FBXO11: variants seen among roughly 807,000 people sequenced by gnomAD.
FBXO11 encodes the protein F-box only protein 11.
A neutral mutation model predicts 117.0 loss-of-function variants in FBXO11; 13 were observed. The observed-to-expected ratio is 0.11, with a 90% CI of 0.07 to 0.18. FBXO11 has a LOEUF of 0.18. Among genes scored for constraint, FBXO11 ranks in the 10% least tolerant of loss-of-function variants. The pLI is 1.00. For missense variants in FBXO11, 767 were observed against 1,164.4 expected (o/e 0.66, Z 4.97); for synonymous variants, 490 against 380.5 (o/e 1.29, Z -3.35).
chr2:47,869,772 C>CA (rs751454174), intron 1 of FBXO11, among the ~76,000 whole-genome samples: 13 of 152,164 alleles, frequency 8.5e-5, no homozygotes, highest in Non-Finnish European at 1.3e-4. Context: ...TTTTTTGGGG[C>CA]AAGGGTTAGT....
chr2:47,836,052 A>C, intron 4 of FBXO11, 51 bp from the exon 5 acceptor site: 8 of 1,388,772 alleles, frequency 5.8e-6, no homozygotes, highest in Non-Finnish European at 7.9e-6. Flanking sequence ...CCTTTAGATT[A>C]ATACAGTTTT....
At chr2:47,859,396 T>G (rs1442958660) in intron 1 of FBXO11, among the ~76,000 whole-genome samples, 2 of 152,210 alleles carry the variant, frequency 1.3e-5, no homozygotes, top group Non-Finnish European at 2.9e-5. Context: ...CTGAATTCAA[T>G]TTCAGATGTC....
In FBXO11 at chr2:47,905,295, G is replaced by A. The variant is rs142913271; in HGVS notation, c.232+194C>T. On this transcript the variant is annotated intron_variant, in intron 1 of 22. Transcript: ENST00000403359. ...AGCGAGAGCCCAGGCGAGAAGGGAA[G>A]CCGCGGCTTTTCCTGCCGGCCGGGC... 9.8e-6 allele frequency: 4 copies of A among 408,868 alleles called. No homozygotes were observed. In the East Asian group the frequency reaches 1.9e-4, roughly 20 times the overall value. 25.3% of individuals were successfully genotyped at this position (408,868 alleles called of 1,614,324 possible).
chr2:47,893,811 T>C (rs1677447008), intron 1 of FBXO11, among the ~76,000 whole-genome samples: 1 of 152,222 alleles, frequency 6.6e-6, no homozygotes, highest in African/African-American at 2.4e-5. Flanking sequence ...AATGTCACCC[T>C]GAAGCAGCTC....
At chr2:47,900,565 T>TAC (rs1203897296) in intron 1 of FBXO11, among the ~76,000 whole-genome samples, 2 of 131,668 alleles carry the variant, frequency 1.5e-5, no homozygotes, top group African/African-American at 2.8e-5. Context: ...CACGTATATA[T>TAC]ACACACGTAT....
intron 11 of FBXO11, among the ~76,000 whole-genome samples, chr2:47,827,362 A>G (rs750502233): frequency 9.2e-5 from 14 of 152,242 alleles, no homozygotes; most frequent in Non-Finnish European, 1.9e-4. Flanking sequence ...GCTGGAGCGC[A>G]GTGGCGCACT....
chr2:47,891,527 A>G (rs1050492966), intron 1 of FBXO11, among the ~76,000 whole-genome samples: 1 of 152,244 alleles, frequency 6.6e-6, no homozygotes, highest in Non-Finnish European at 1.5e-5. Context: ...GTCAATGGAC[A>G]TGTTGTGGGC....
intron 1 of FBXO11, among the ~76,000 whole-genome samples, chr2:47,902,493 A>G (rs1295501935): frequency 1.3e-5 from 2 of 152,188 alleles, no homozygotes; most frequent in East Asian, 3.8e-4. Flanking sequence ...AACACTGGCC[A>G]TTACAGATAA....
At chr2:47,867,528 G>A (rs1321252317) in intron 1 of FBXO11, among the ~76,000 whole-genome samples, 2 of 152,182 alleles carry the variant, frequency 1.3e-5, no homozygotes, top group African/African-American at 4.8e-5. Flanking sequence ...TTACTAAGCA[G>A]TATAAATGAT....
intron 4 of FBXO11, among the ~76,000 whole-genome samples, chr2:47,837,244 G>A (rs1024374468): frequency 2.0e-5 from 3 of 152,072 alleles, no homozygotes; most frequent in Admixed American, 1.3e-4. Context: ...TGTAAGGTGT[G>A]GGCCGGGCAC....
chr2:47,831,126 C>T (rs1035892013), intron 11 of FBXO11, among the ~76,000 whole-genome samples: 1 of 151,462 alleles, frequency 6.6e-6, no homozygotes, highest in Non-Finnish European at 1.5e-5. Context: ...AAAAAAAGAG[C>T]TCTGCCTTGG....
intron 13 of FBXO11, 33 bp from the exon 14 acceptor site, chr2:47,820,489 T>C: frequency 6.5e-7 from 1 of 1,528,760 alleles, no homozygotes; most frequent in African/African-American, 1.4e-5. Context: ...AGGTCAACAT[T>C]TGTGAGCCTA....
chr2:47,906,272 G>C lies in FBXO11; in HGVS notation c.-552C>G, dbSNP rs906404689. The stretch of plus-strand genomic sequence containing the variant: ...CACCCCCTGAAAGAGATTTCTGTGA[G>C]GAATTTTTCTCTCTTTCTTCGGTCT... On this transcript the variant is annotated 5_prime_UTR_variant, in exon 1 of 23. Coordinates refer to ENST00000403359, the MANE Select transcript of FBXO11 (RefSeq NM_001190274.2). 1 of 156,826 alleles carries C rather than the reference G, an allele frequency of 6.4e-6. No individual in the cohort carries two copies. Among genetic ancestry groups the C allele is most frequent in the Non-Finnish European group, 1.4e-5 (1 of 70,732 alleles). The allele number at this position is 156,826 out of a possible 1,614,324, so 9.7% of individuals were successfully genotyped here.
At chr2:47,867,421 A>G (rs914612366) in intron 1 of FBXO11, among the ~76,000 whole-genome samples, 1 of 152,218 alleles carries the variant, frequency 6.6e-6, no homozygotes, top group Non-Finnish European at 1.5e-5. Context: ...TGGAAGTGAC[A>G]CACCAACTTC....
chr2:47,888,487 A>T (rs1376956988), intron 1 of FBXO11: 2 of 158,510 alleles, frequency 1.3e-5, no homozygotes, highest in Admixed American at 6.5e-5. Flanking sequence ...TTTAGAATTT[A>T]CCAGATGTTC....
intron 1 of FBXO11, among the ~76,000 whole-genome samples, chr2:47,884,421 A>C (rs1676662252): frequency 6.6e-6 from 1 of 152,148 alleles, no homozygotes; most frequent in South Asian, 2.1e-4. Flanking sequence ...AAGTATATTT[A>C]AACTAATAGC....
chr2:47,861,201 G>C (rs2103746759), intron 1 of FBXO11, among the ~76,000 whole-genome samples: 1 of 151,992 alleles, frequency 6.6e-6, no homozygotes. Context: ...CTCAAACTTA[G>C]TTGTACACTG....
intron 1 of FBXO11, among the ~76,000 whole-genome samples, chr2:47,843,535 A>G (rs574634449): frequency 6.6e-6 from 1 of 151,796 alleles, no homozygotes; most frequent in East Asian, 1.9e-4. Context: ...GAATTATTCC[A>G]TTCTTCATTA....
chr2:47,852,479 C>T (rs1195949126), intron 1 of FBXO11, among the ~76,000 whole-genome samples: 2 of 152,128 alleles, frequency 1.3e-5, no homozygotes, highest in African/African-American at 2.4e-5. Context: ...TTAATTTGTT[C>T]TACTGACAGG....
Sources: gnomAD v4.1 joint callset for allele counts (sites outside exome capture counted in the v4.1 genomes callset) on GRCh38, gnomAD v4.1.1 for gene constraint, MANE v1.5 for transcripts, NCBI Gene and HGNC (gene_info 2026-07-23, HGNC 2026-07-21) for gene names.